Variants in ACTR3 observed in about 807,000 individuals in gnomAD.
The protein encoded by ACTR3 is actin-related protein 3.
A neutral mutation model predicts 56.8 loss-of-function variants in ACTR3; 12 were observed. That is an observed-to-expected ratio of 0.21 (90% CI 0.14 to 0.34). The LOEUF is 0.34. Ranked by LOEUF, ACTR3 falls within the 10% of genes least tolerant of loss-of-function variation. ACTR3 has a pLI of 1.00. For synonymous variants in ACTR3, 162 were observed against 167.4 expected, an observed-to-expected ratio of 0.97 and a Z score of 0.25; for missense variants, 282 against 512.5, an observed-to-expected ratio of 0.55 and a Z score of 4.34.
At chr2:113,899,893 G>T (rs1226124798) in intron 1 of ACTR3, among the ~76,000 whole-genome samples, 1 of 152,176 alleles carries the variant, frequency 6.6e-6, no homozygotes, top group Non-Finnish European at 1.5e-5. Context: ...TTTCTGTTGG[G>T]AGCTGTGGGA....
chr2:113,938,509 C>T (rs181128724), intron 6 of ACTR3, among the ~76,000 whole-genome samples: 35 of 152,136 alleles, frequency 2.3e-4, no homozygotes, highest in Non-Finnish European at 2.9e-4. Flanking sequence ...TAAGCAGGTC[C>T]GTAACAGGTT....
intron 2 of ACTR3, among the ~76,000 whole-genome samples, chr2:113,913,888 A>G (rs1196101627): frequency 6.6e-6 from 1 of 152,214 alleles, no homozygotes; most frequent in Non-Finnish European, 1.5e-5. Flanking sequence ...TGATTAACGT[A>G]CTTTTACACT....
At chr2:113,926,701 A>C (rs1272281055) in intron 3 of ACTR3, among the ~76,000 whole-genome samples, 1 of 152,314 alleles carries the variant, frequency 6.6e-6, no homozygotes, top group Admixed American at 6.5e-5. Context: ...TAATTCCTCT[A>C]ATGACCTGAT....
Position 113,942,248 on chromosome 2 carries a change from G to A in ACTR3, c.747G>A (p.Gly249=). 1 of 1,606,148 alleles carries A rather than the reference G, an allele frequency of 6.2e-7. No individual in the cohort carries two copies. Among genetic ancestry groups the A allele is most frequent in the Non-Finnish European group, 8.5e-7 (1 of 1,176,914 alleles). The change falls in exon 8 of 12, where the codon GGG becomes GGA. Residue 249 remains glycine (G), a synonymous_variant. Coordinates refer to ENST00000263238, the MANE Select transcript of ACTR3 (RefSeq NM_005721.5). ...VKEFNKYDTD[G]SKWIKQYTGI... is the part of the protein sequence containing the mutation. ...AATTTAACAAGTATGATACAGATGGGTCAAAATGGATTAAACAGTATACTG... is the reference window on the plus strand; with the variant it reads ...AATTTAACAAGTATGATACAGATGGATCAAAATGGATTAAACAGTATACTG...
chr2:113,900,841 C>T (rs1288502822), intron 1 of ACTR3, among the ~76,000 whole-genome samples: 1 of 152,196 alleles, frequency 6.6e-6, no homozygotes, highest in Non-Finnish European at 1.5e-5. Flanking sequence ...AGTAGGCGTC[C>T]AGGTTCTTCA....
At chr2:113,951,601 C>A in intron 9 of ACTR3, 30 bp downstream of exon 9, 1 of 1,581,556 alleles carries the variant, frequency 6.3e-7, no homozygotes, top group Non-Finnish European at 8.7e-7. Flanking sequence ...TATTCAAGGT[C>A]TTACTTTAAA....
rs922705303 is a variant in ACTR3 at position 113,960,599 on chromosome 2, T to C, written c.*3144T>C. On this transcript the variant is annotated 3_prime_UTR_variant, in exon 12 of 12. Coordinates refer to ENST00000263238, the MANE Select transcript of ACTR3 (RefSeq NM_005721.5). ...TGTGTTATAAAGCTTATTTGTACCA[T>C]AGTAAAGGATGTTTTTGTTCCTCTT... The C allele has an allele frequency of 6.6e-6, 1 of 152,028 alleles. No individual in the cohort carries two copies. Among genetic ancestry groups the C allele is most frequent in the Non-Finnish European group, 1.5e-5 (1 of 67,912 alleles). 9.4% of individuals were successfully genotyped at this position (152,028 alleles called of 1,614,324 possible).
chr2:113,942,132 T>C (rs1397406605), intron 7 of ACTR3, 54 bp from the exon 8 acceptor site: 2 of 1,398,480 alleles, frequency 1.4e-6, no homozygotes, highest in Non-Finnish European at 1.9e-6. Context: ...GCCATTCTTC[T>C]TTACTGTTCC....
intron 1 of ACTR3, 171 bp downstream of exon 1, chr2:113,890,494 C>G (rs983112660): frequency 7.6e-7 from 1 of 1,319,672 alleles, no homozygotes; most frequent in African/African-American, 1.5e-5. Context: ...TCGCGGGTCC[C>G]CTCGTTTCTC....
At chr2:113,905,847 A>AGTT (rs1679182278) in intron 1 of ACTR3, among the ~76,000 whole-genome samples, 2 of 108,680 alleles carry the variant, frequency 1.8e-5, no homozygotes, top group South Asian at 6.1e-4. Flanking sequence ...TTTGAGGCTG[A>AGTT]ATAATATTCC....
intron 1 of ACTR3, among the ~76,000 whole-genome samples, chr2:113,897,518 ATTTTTTTTT>A (rs58363370): frequency 5.1e-5 from 5 of 98,900 alleles, no homozygotes; most frequent in Non-Finnish European, 6.8e-5. Context: ...GCCAGATGTT[ATTTTTTTTT>A]TTTTTTTTTT....
intron 3 of ACTR3, among the ~76,000 whole-genome samples, chr2:113,919,509 A>C (rs1386640768): frequency 6.6e-6 from 1 of 151,930 alleles, no homozygotes; most frequent in Non-Finnish European, 1.5e-5. Flanking sequence ...TCCTATATTT[A>C]CTTTTTTTTG....
intron 1 of ACTR3, among the ~76,000 whole-genome samples, chr2:113,892,935 A>C (rs1424165245): frequency 1.3e-5 from 2 of 152,212 alleles, no homozygotes; most frequent in African/African-American, 4.8e-5. Flanking sequence ...CGTCCAGCAA[A>C]ACTCAACATA....
intron 8 of ACTR3, among the ~76,000 whole-genome samples, chr2:113,948,848 C>A (rs762548073): frequency 6.9e-6 from 1 of 145,612 alleles, no homozygotes; most frequent in Non-Finnish European, 1.5e-5. Flanking sequence ...ACATCCCAAT[C>A]TGAACTTGCT....
intron 8 of ACTR3, among the ~76,000 whole-genome samples, chr2:113,949,382 A>AAAAAAAAAAAAG (rs1270230747): frequency 7.3e-6 from 1 of 137,388 alleles, no homozygotes; most frequent in Non-Finnish European, 1.5e-5. Flanking sequence ...GGTCTCAAAA[A>AAAAAAAAAAAAG]AAAAAAAAAA....
At chr2:113,899,012 C>T (rs1055365223) in intron 1 of ACTR3, among the ~76,000 whole-genome samples, 2 of 152,094 alleles carry the variant, frequency 1.3e-5, no homozygotes, top group Non-Finnish European at 2.9e-5. Context: ...ATTATTAGTC[C>T]AGTTTTTAAG....
At chr2:113,925,978 C>G (rs191625923) in intron 3 of ACTR3, among the ~76,000 whole-genome samples, 23 of 152,202 alleles carry the variant, frequency 1.5e-4, no homozygotes, top group Non-Finnish European at 3.2e-4. Flanking sequence ...CCACCTAGAT[C>G]GAAAGAAATG....
chr2:113,939,815 TA>T (rs1340295556), intron 6 of ACTR3, 143 bp from the exon 7 acceptor site: 6 of 579,888 alleles, frequency 1.0e-5, no homozygotes, highest in South Asian at 4.8e-5. Context: ...TTCTGAGGAA[TA>T]AAGGTAAGTT....
At chr2:113,939,780 G>A (rs1173723543) in intron 6 of ACTR3, among the ~76,000 whole-genome samples, 179 bp from the exon 7 acceptor site, 1 of 152,140 alleles carries the variant, frequency 6.6e-6, no homozygotes, top group East Asian at 1.9e-4. Flanking sequence ...ATAAATCTAA[G>A]TTGCTGGCCA....
Sources: allele counts gnomAD v4.1 joint callset (sites outside exome capture counted in the v4.1 genomes callset), GRCh38; gene constraint gnomAD v4.1.1; transcripts MANE v1.5; gene names NCBI Gene and HGNC (gene_info 2026-07-23, HGNC 2026-07-21).